Variants in TRIM31 observed in about 807,000 individuals in gnomAD.
TRIM31 encodes tripartite motif containing 31.
TRIM31 carries 31 observed loss-of-function variants against 40.6 expected under a neutral mutation model. The ratio of observed to expected loss-of-function variants is 0.76; its 90% CI spans 0.57 to 1.03. The LOEUF (loss-of-function observed/expected upper bound fraction) is 1.03. TRIM31 is among the 50% of genes least tolerant of loss of function. The pLI is 0.00. For missense variants in TRIM31, 455 were observed against 497.5 expected (o/e 0.91, Z 0.81); for synonymous variants, 164 against 193.9 (o/e 0.85, Z 1.28).
In TRIM31 at chr6:30,103,758, G is replaced by C; in HGVS notation, c.1056C>G (p.His352Gln). The change falls in exon 9 of 9, where the codon CAC (histidine) becomes CAG (glutamine). Residue 352 changes from histidine (H) to glutamine (Q), a missense_variant. His to Gln is a conservative substitution (Grantham distance 24). Coordinates refer to ENST00000376734, the MANE Select transcript of TRIM31 (RefSeq NM_007028.5). ...GGGAGTGGGATGGGGCTGAAGAGTG[G>C]TGATTTGGTGGCCCCGATGTAGTTC... ...GGRTTSGPPN[H>Q]HSSAPSHSLF... The C allele has an allele frequency of 3.1e-6, 5 of 1,613,072 alleles. No homozygotes were observed. Among genetic ancestry groups the C allele is most frequent in the Non-Finnish European group, 2.5e-6 (3 of 1,180,030 alleles).
At chr6:30,110,343 A>C in intron 4 of TRIM31, 105 bp downstream of exon 4, 2 of 1,051,456 alleles carry the variant, frequency 1.9e-6, no homozygotes, top group Non-Finnish European at 2.9e-6. Context: ...GGCTAGAGGT[A>C]GGATGGTTGG....
intron 8 of TRIM31, 126 bp from the exon 9 acceptor site, chr6:30,103,915 A>G: frequency 2.7e-6 from 4 of 1,468,950 alleles, no homozygotes; most frequent in Non-Finnish European, 3.7e-6. Flanking sequence ...TCAAGAAAGT[A>G]CACCTGAACA....
chr6:30,112,322 C>A (rs1392407441), intron 2 of TRIM31, 67 bp downstream of exon 2: 29 of 1,532,518 alleles, frequency 1.9e-5, no homozygotes, highest in Non-Finnish European at 2.2e-5. Flanking sequence ...GGGAAGGTAG[C>A]AGTTTCCAGG....
rs868724653 is a variant in TRIM31 at position 30,111,691 on chromosome 6, A to G, written c.470T>C (p.Val157Ala). 6.2e-7 allele frequency: 1 copy of G among 1,614,168 alleles called. No homozygotes were observed. Among genetic ancestry groups the G allele is most frequent in the African/African-American group, 1.3e-5 (1 of 75,046 alleles). Residue 157 changes from valine (V) to alanine (A), a missense_variant, in exon 3 of 9, where the codon GTA (valine) becomes GCA (alanine). Physicochemically the swap from Val to Ala is moderately conservative, Grantham distance 64 (BLOSUM62 0). Transcript: ENST00000376734. ...GTGTACACCTTGTGCCTTCACTTGT[A>G]CTGTCTCCTTCTCCTTTTGCTGCAA... The part of the protein sequence containing the change: ...QVLQQKEKET[V>A]QVKAQGVHRV...
Position 30,105,203 on chromosome 6 carries a change from A to T in TRIM31, c.923T>A (p.Phe308Tyr), listed in dbSNP as rs773644902. Residue 308 changes from phenylalanine to tyrosine, a missense_variant, in exon 7 of 9, where the codon TTC (phenylalanine) becomes TAC (tyrosine). Phe to Tyr is a conservative substitution (Grantham distance 22). Coordinates refer to ENST00000376734, the MANE Select transcript of TRIM31 (RefSeq NM_007028.5). The part of the protein sequence containing the change: ...QADRKKDENR[F>Y]FKSMNKNDMK... The stretch of plus-strand genomic sequence containing the variant: ...GTCATTTTTATTCATGCTTTTGAAG[A>T]ATCTGTTTTCATCTTTTTTCCTATC... 8 of 1,612,838 alleles carry T rather than the reference A, an allele frequency of 5.0e-6. No individual in the cohort carries two copies. In the Admixed American group the frequency reaches 1.0e-4, roughly 20 times the overall value.
In TRIM31 at chr6:30,105,206, C is replaced by G; in HGVS notation, c.920G>C (p.Arg307Thr). The change falls in exon 7 of 9, where the codon AGA (arginine) becomes ACA (threonine). Residue 307 changes from arginine (R) to threonine (T), a missense_variant. Arg to Thr is a moderately conservative substitution (Grantham distance 71). Transcript: ENST00000376734. ...ATTTTTATTCATGCTTTTGAAGAATCTGTTTTCATCTTTTTTCCTATCAGC... is the reference window on the plus strand; with the variant it reads ...ATTTTTATTCATGCTTTTGAAGAATGTGTTTTCATCTTTTTTCCTATCAGC... ...LQADRKKDEN[R>T]FFKSMNKNDM... 2 of 1,612,812 alleles carry G rather than the reference C, an allele frequency of 1.2e-6. No homozygotes were observed. Among genetic ancestry groups the G allele is most frequent in the Non-Finnish European group, 1.7e-6 (2 of 1,179,938 alleles).
rs780773781 is a variant in TRIM31 at position 30,110,431 on chromosome 6, G to A, written c.744+17C>T. ...TGGGCTGCTACCTCTCTGCAATTCT[G>A]CCCCCAAGGGACTCACCTCCAGCAG... On this transcript the variant is annotated intron_variant, in intron 4 of 8. Coordinates refer to ENST00000376734, the MANE Select transcript of TRIM31 (RefSeq NM_007028.5). 1 of 1,612,156 alleles carries A rather than the reference G, an allele frequency of 6.2e-7. No homozygotes were observed. Among genetic ancestry groups the A allele is most frequent in the Non-Finnish European group, 8.5e-7 (1 of 1,178,572 alleles).
chr6:30,112,723 G>T lies in TRIM31; in HGVS notation c.83C>A (p.Thr28Asn), dbSNP rs760639697. 6.2e-7 allele frequency: 1 copy of T among 1,613,104 alleles called. No individual in the cohort carries two copies. The highest frequency in any genetic ancestry group is 1.1e-5 in the South Asian group (1 of 91,086). Residue 28 changes from threonine (T) to asparagine (N), a missense_variant, in exon 2 of 9, where the codon ACC becomes AAC. Coordinates refer to ENST00000376734, the MANE Select transcript of TRIM31 (RefSeq NM_007028.5). ...GCAGAAATTGTGCCCACAGTCGATG[G>T]TGACAGGTTTCTGCAGAATGTCCAG... ...ICLDILQKPV[T>N]IDCGHNFCLK...
intron 2 of TRIM31, 95 bp downstream of exon 2, chr6:30,112,294 G>A: frequency 6.9e-7 from 1 of 1,444,992 alleles, no homozygotes; most frequent in Non-Finnish European, 9.4e-7. Context: ...TGGGGGCAAT[G>A]GGGTGCAAAC....
intron 6 of TRIM31, among the ~76,000 whole-genome samples, chr6:30,106,145 C>T (rs1169979345): frequency 6.6e-6 from 1 of 152,176 alleles, no homozygotes; most frequent in Non-Finnish European, 1.5e-5. Flanking sequence ...TAGGGTGGAG[C>T]CCCTAGATGG....
rs28400887 is a variant in TRIM31, at chr6:30,108,126, C to T, written c.810G>A (p.Leu270=). 386,573 of 1,604,824 alleles carry T rather than the reference C, an allele frequency of 0.24. 48,960 individuals carry two copies. The highest frequency in any genetic ancestry group is 0.33 in the Admixed American group (20,048 of 59,968). ...FQFLNPTPVP[L]ELEKKLSEAK... ...CTTCACTGAGTTTTTTCTCCAGTTC[C>T]AGAGGAACAGGGGTTGGGTTGAGAA... Residue 270 remains leucine (L), a synonymous_variant, in exon 6 of 9, where the codon CTG becomes CTA. Transcript: ENST00000376734.
At chr6:30,108,576 A>G (rs3058348) in intron 5 of TRIM31, among the ~76,000 whole-genome samples, 3 of 114,982 alleles carry the variant, frequency 2.6e-5, no homozygotes, top group Non-Finnish European at 5.7e-5. Context: ...AAAAAAAAAA[A>G]AAAAAAAAGA....
chr6:30,111,567 G>A, intron 3 of TRIM31, 81 bp downstream of exon 3: 2 of 1,372,088 alleles, frequency 1.5e-6, no homozygotes, highest in Non-Finnish European at 2.0e-6. Flanking sequence ...TTTTTCTGAG[G>A]GGTCAGTGTA....
At position 30,103,376 on chromosome 6, in the gene TRIM31, C is replaced by A; in HGVS notation, c.*160G>T. 1 of 1,008,660 alleles carries A rather than the reference C, an allele frequency of 9.9e-7. No homozygotes were observed. Among genetic ancestry groups the A allele is most frequent in the Non-Finnish European group, 1.5e-6 (1 of 684,200 alleles). The allele number at this position is 1,008,660 out of a possible 1,614,324, so 62.5% of individuals were successfully genotyped here. On this transcript the variant is annotated 3_prime_UTR_variant, in exon 9 of 9. Transcript: ENST00000376734. ...AACTCTCTTCACCACCACCCCCGCCCCCATCTCCACTCTCAGTAGCCCGAG... is the reference window on the plus strand; with the variant it reads ...AACTCTCTTCACCACCACCCCCGCCACCATCTCCACTCTCAGTAGCCCGAG...
chr6:30,108,165 A>G lies in TRIM31; in HGVS notation c.771T>C (p.Ser257=). The change falls in exon 6 of 9, where the codon AGT becomes AGC. Residue 257 remains serine (S), a synonymous_variant. Coordinates refer to ENST00000376734, the MANE Select transcript of TRIM31 (RefSeq NM_007028.5). ...LEDIKVVLCR[S]EEFQFLNPTP... ...TTGGGTTGAGAAACTGAAACTCTTC[A>G]CTTCTAGGAAGATGTGGTTGAGCTG... The G allele has an allele frequency of 6.2e-7, 1 of 1,606,502 alleles. No homozygotes were observed. Among genetic ancestry groups the G allele is most frequent in the South Asian group, 1.1e-5 (1 of 90,946 alleles).
At chr6:30,103,871 G>A (rs958606870) in intron 8 of TRIM31, 82 bp from the exon 9 acceptor site, 6 of 1,587,156 alleles carry the variant, frequency 3.8e-6, no homozygotes, top group Admixed American at 1.7e-5. Flanking sequence ...GCACAGCTGA[G>A]CTCTACATAC....
In TRIM31 at chr6:30,112,846, G is replaced by T. The variant is rs780851878; in HGVS notation, c.-41C>A. On this transcript the variant is annotated 5_prime_UTR_variant, in exon 2 of 9. Coordinates refer to ENST00000376734, the MANE Select transcript of TRIM31 (RefSeq NM_007028.5). The stretch of plus-strand genomic sequence containing the variant: ...CTGTTTCAAGACTGTAGGAAGCTGT[G>T]CCAAGTCTGTAGGAGCCCCGGAGTC... The T allele has an allele frequency of 6.5e-7, 1 of 1,548,088 alleles. No individual in the cohort carries two copies.
rs3734838 is a variant in TRIM31, at chr6:30,112,454, G to C, written c.352C>G (p.Arg118Gly). ...DDGKFLCFVC[R>G]ESKDHKSHNV... ...TGGGATTTGTGGTCCTTGGATTCAC[G>C]ACACACAAAACAGAGGAACTTCCCA... The change falls in exon 2 of 9, where the codon CGT (arginine) becomes GGT (glycine). Residue 118 changes from arginine to glycine, a missense_variant. Transcript: ENST00000376734. 4 of 1,612,886 alleles carry C rather than the reference G, an allele frequency of 2.5e-6. No individual in the cohort carries two copies. In the African/African-American group the frequency reaches 5.3e-5, roughly 22 times the overall value.
chr6:30,108,114 T>C lies in TRIM31; in HGVS notation c.822A>G (p.Lys274=), dbSNP rs1347526890. 2 of 1,612,300 alleles carry C rather than the reference T, an allele frequency of 1.2e-6. No homozygotes were observed. Among genetic ancestry groups the C allele is most frequent in the Admixed American group, 1.7e-5 (1 of 60,014 alleles). Residue 274 remains lysine, a synonymous_variant, in exon 6 of 9, where the codon AAA becomes AAG. Transcript: ENST00000376734. ...NPTPVPLELE[K]KLSEAKSRHD... The stretch of plus-strand genomic sequence containing the variant: ...GTCTTGATTTTGCTTCACTGAGTTT[T>C]TTCTCCAGTTCCAGAGGAACAGGGG...
Sources: gnomAD v4.1 joint callset for allele counts (sites outside exome capture counted in the v4.1 genomes callset) on GRCh38, gnomAD v4.1.1 for gene constraint, MANE v1.5 for transcripts, NCBI Gene and HGNC (gene_info 2026-07-23, HGNC 2026-07-21) for gene names.